Variants in TRAF3 observed in about 807,000 individuals in gnomAD.
TRAF3 encodes the protein TNF receptor associated factor 3.
In TRAF3, 13 loss-of-function variants were observed where a neutral mutation model predicts 62.3. The observed-to-expected ratio is 0.21, with a 90% CI of 0.14 to 0.33. The LOEUF (loss-of-function observed/expected upper bound fraction) is 0.33. Ranked by LOEUF, TRAF3 falls within the 10% of genes least tolerant of loss-of-function variation. The probability of loss-of-function intolerance (pLI) is 1.00; values close to 1 mark genes in which losing one functional copy is unlikely to be tolerated. For missense variants in TRAF3, 440 were observed against 741.8 expected (o/e 0.59, Z 4.73); for synonymous variants, 269 against 283.4 (o/e 0.95, Z 0.51).
intron 10 of TRAF3, among the ~76,000 whole-genome samples, chr14:102,899,557 T>C (rs1202964469): frequency 6.6e-6 from 1 of 152,214 alleles, no homozygotes; most frequent in African/African-American, 2.4e-5. Context: ...ACAAGCTCCA[T>C]GCTGCTGCAC....
chr14:102,877,112 G>C (rs377120410), intron 6 of TRAF3, among the ~76,000 whole-genome samples: 3 of 143,732 alleles, frequency 2.1e-5, no homozygotes, highest in East Asian at 2.1e-4. Context: ...TAGATAATCT[G>C]TTCCACAGGC....
In TRAF3 at chr14:102,876,526, G is replaced by T; in HGVS notation, c.570+1G>T. On this transcript the variant is annotated splice_donor_variant, in intron 6 of 11. Transcript: ENST00000392745. LOFTEE classifies it high-confidence loss of function. ...TCAGGTTCCGATGATCGCGCTGCAG[G>T]TGCGGGTCCTCCCATTCCACAGGCC... 1 of 1,613,122 alleles carries T rather than the reference G, an allele frequency of 6.2e-7. No individual in the cohort carries two copies. The highest frequency in any genetic ancestry group is 8.5e-7 in the Non-Finnish European group (1 of 1,179,768).
intron 7 of TRAF3, among the ~76,000 whole-genome samples, chr14:102,888,411 C>T (rs1053464465): frequency 6.6e-6 from 1 of 152,198 alleles, no homozygotes; most frequent in Non-Finnish European, 1.5e-5. Flanking sequence ...GCCCCTCAGT[C>T]CCTTCCCGCA....
At chr14:102,904,702 C>T (rs370572447) in intron 11 of TRAF3, among the ~76,000 whole-genome samples, 36 of 148,452 alleles carry the variant, frequency 2.4e-4, no homozygotes, top group African/African-American at 5.3e-4. Context: ...CCCAGCTACT[C>T]GGGAGGCTGA....
intron 2 of TRAF3, among the ~76,000 whole-genome samples, chr14:102,865,294 G>A (rs901327363): frequency 6.6e-6 from 1 of 152,110 alleles, no homozygotes; most frequent in African/African-American, 2.4e-5. Flanking sequence ...CTCAGGGTTC[G>A]TGTCATTTCT....
intron 9 of TRAF3, among the ~76,000 whole-genome samples, chr14:102,892,930 C>T (rs1029285196): frequency 1.3e-5 from 2 of 152,262 alleles, no homozygotes; most frequent in Non-Finnish European, 2.9e-5. Flanking sequence ...CATAGAGCAT[C>T]TGCTCTGAGT....
Position 102,870,224 on chromosome 14 carries a change from A to C in TRAF3, c.23A>C (p.Asp8Ala), listed in dbSNP as rs779404357. The C allele has an allele frequency of 6.2e-7, 1 of 1,613,534 alleles. No homozygotes were observed. Among genetic ancestry groups the C allele is most frequent in the Non-Finnish European group, 8.5e-7 (1 of 1,179,916 alleles). ...AAAATGGAGTCGAGTAAAAAGATGG[A>C]CTCTCCTGGCGCGCTGCAGACTAAC... MESSKKM[D>A]SPGALQTNPP... The change falls in exon 3 of 12, where the codon GAC (aspartate) becomes GCC (alanine). Residue 8 changes from aspartate to alanine, a missense_variant. Transcript: ENST00000392745.
At chr14:102,798,383 C>T (rs1007600568) in intron 1 of TRAF3, among the ~76,000 whole-genome samples, 4 of 152,098 alleles carry the variant, frequency 2.6e-5, no homozygotes, top group Admixed American at 6.6e-5. Flanking sequence ...CTCACACCTG[C>T]AATCCCAGCA....
At chr14:102,887,890 C>T (rs527828469) in intron 7 of TRAF3, among the ~76,000 whole-genome samples, 28 of 152,248 alleles carry the variant, frequency 1.8e-4, no homozygotes, top group South Asian at 1.2e-3. Flanking sequence ...CCACCGCGCC[C>T]GGCCAATAAT....
chr14:102,877,485 C>T (rs544894238), intron 6 of TRAF3, among the ~76,000 whole-genome samples: 9 of 142,924 alleles, frequency 6.3e-5, no homozygotes, highest in South Asian at 4.4e-4. Context: ...ACAGGCCTTC[C>T]GCTCAACTCA....
chr14:102,895,676 T>G (rs1382726944), intron 9 of TRAF3, among the ~76,000 whole-genome samples: 2 of 152,250 alleles, frequency 1.3e-5, no homozygotes, highest in African/African-American at 4.8e-5. Context: ...ATGCCCTTTG[T>G]AAAAATCTTG....
At chr14:102,801,008 T>C (rs1210518121) in intron 1 of TRAF3, among the ~76,000 whole-genome samples, 1 of 149,634 alleles carries the variant, frequency 6.7e-6, no homozygotes, top group Non-Finnish European at 1.5e-5. Flanking sequence ...CTACTAAAAA[T>C]ACAAAAAATT....
At position 102,896,493 on chromosome 14, in the gene TRAF3, G is replaced by A. The variant is rs528045968; in HGVS notation, c.820-768G>A. On this transcript the variant is annotated intron_variant, in intron 9 of 11. Transcript: ENST00000392745. ...AATGAAATGGAATAAAAAAAATCAG[G>A]GTGCATTGTAAATTATTAGGGCAAG... Among the ~76,000 whole-genome samples, 10 of 152,176 alleles carry A rather than the reference G, an allele frequency of 6.6e-5. 1 individual carries two copies. The highest frequency in any genetic ancestry group is 2.0e-4 in the Admixed American group (3 of 15,282).
At chr14:102,874,281 G>C (rs1036896309) in intron 4 of TRAF3, among the ~76,000 whole-genome samples, 1 of 152,160 alleles carries the variant, frequency 6.6e-6, no homozygotes, top group Non-Finnish European at 1.5e-5. Flanking sequence ...TTTTGAGACA[G>C]AGTCTCACTC....
At chr14:102,840,138 C>A (rs1886291467) in intron 2 of TRAF3, among the ~76,000 whole-genome samples, 1 of 152,050 alleles carries the variant, frequency 6.6e-6, no homozygotes, top group African/African-American at 2.4e-5. Context: ...CACCCAAAAT[C>A]TCAGTAATCG....
chr14:102,860,918 A>G (rs1887642038), intron 2 of TRAF3, among the ~76,000 whole-genome samples: 1 of 152,270 alleles, frequency 6.6e-6, no homozygotes, highest in African/African-American at 2.4e-5. Context: ...AAGTACTGCC[A>G]TATGATTACA....
intron 1 of TRAF3, among the ~76,000 whole-genome samples, chr14:102,829,602 T>C (rs990848212): frequency 1.3e-5 from 2 of 152,200 alleles, no homozygotes; most frequent in African/African-American, 4.8e-5. Context: ...CCGCATGTGC[T>C]GGTGGGCTCC....
intron 1 of TRAF3, among the ~76,000 whole-genome samples, chr14:102,783,100 C>A (rs890929698): frequency 1.3e-5 from 2 of 152,174 alleles, no homozygotes; most frequent in Non-Finnish European, 2.9e-5. Context: ...AAGGGCCAGG[C>A]ACATGGTAAG....
At chr14:102,789,511 G>A (rs925815665) in intron 1 of TRAF3, among the ~76,000 whole-genome samples, 4 of 151,836 alleles carry the variant, frequency 2.6e-5, no homozygotes, top group Admixed American at 6.6e-5. Context: ...GTAATGTGCC[G>A]ACGTCATAAC....
Sources: allele counts gnomAD v4.1 joint callset (sites outside exome capture counted in the v4.1 genomes callset), GRCh38; gene constraint gnomAD v4.1.1; transcripts MANE v1.5; gene names NCBI Gene and HGNC (gene_info 2026-07-23, HGNC 2026-07-21).